The following TRIM24 variants were observed in gnomAD, a reference collection of about 807,000 sequenced individuals.
TRIM24 encodes the protein transcription intermediary factor 1-alpha.
In TRIM24, 29 loss-of-function variants were observed where a neutral mutation model predicts 123.9. The observed-to-expected ratio is 0.23, with a 90% CI of 0.17 to 0.32. TRIM24 has a LOEUF of 0.32. Ranked by LOEUF, TRIM24 falls within the 10% of genes least tolerant of loss-of-function variation. The probability of loss-of-function intolerance (pLI) is 1.00; values close to 1 mark genes in which losing one functional copy is unlikely to be tolerated. For missense variants in TRIM24, 932 were observed against 1,295.3 expected, an observed-to-expected ratio of 0.72 and a Z score of 4.31; for synonymous variants, 456 against 461.1, an observed-to-expected ratio of 0.99 and a Z score of 0.14.
chr7:138,578,549 TGTGTGTGTGTGTGTGC>T (rs1035820009), intron 14 of TRIM24, among the ~76,000 whole-genome samples: 1 of 136,232 alleles, frequency 7.3e-6, no homozygotes, highest in African/African-American at 2.7e-5. Context: ...TGTGTGTGTG[TGTGTGTGTGTGTGTGC>T]GCGCACGCAC....
chr7:138,530,189 C>G (rs1796700053), intron 6 of TRIM24, among the ~76,000 whole-genome samples: 1 of 151,350 alleles, frequency 6.6e-6, no homozygotes, highest in Admixed American at 6.6e-5. Flanking sequence ...ACAATCAGAC[C>G]CCATTTATAG....
chr7:138,548,090 A>G (rs1241462790), intron 7 of TRIM24, among the ~76,000 whole-genome samples: 1 of 152,176 alleles, frequency 6.6e-6, no homozygotes, highest in Non-Finnish European at 1.5e-5. Context: ...TAGGAAGAGT[A>G]CACCTGAGGA....
At chr7:138,525,633 C>T (rs1448240981) in intron 5 of TRIM24, among the ~76,000 whole-genome samples, 1 of 152,060 alleles carries the variant, frequency 6.6e-6, no homozygotes, top group Admixed American at 6.6e-5. Context: ...TAAAGAAATA[C>T]CAAAATTTAA....
At chr7:138,466,290 T>C (rs754370296) in intron 1 of TRIM24, among the ~76,000 whole-genome samples, 3 of 152,150 alleles carry the variant, frequency 2.0e-5, no homozygotes, top group Non-Finnish European at 2.9e-5. Context: ...CCACTGTGCC[T>C]GGCCTGTCAG....
chr7:138,491,790 T>C (rs1394291576), intron 1 of TRIM24, among the ~76,000 whole-genome samples: 2 of 152,172 alleles, frequency 1.3e-5, no homozygotes, highest in Non-Finnish European at 2.9e-5. Flanking sequence ...ACAAGAGTTA[T>C]AGCTTCTCCA....
chr7:138,580,527 C>T, intron 15 of TRIM24, 35 bp from the exon 16 acceptor site: 1 of 1,591,220 alleles, frequency 6.3e-7, no homozygotes, highest in Non-Finnish European at 8.6e-7. Flanking sequence ...GGAAATGATG[C>T]ATTAGGAATT....
At chr7:138,545,411 T>C (rs376518559) in intron 7 of TRIM24, 19 of 456,530 alleles carry the variant, frequency 4.2e-5, no homozygotes, top group African/African-American at 2.0e-4. Context: ...ATTGAGTAAA[T>C]AAGTAAATGG....
intron 1 of TRIM24, among the ~76,000 whole-genome samples, chr7:138,486,288 C>T (rs554862666): frequency 1.3e-5 from 2 of 152,220 alleles, no homozygotes; most frequent in Admixed American, 6.5e-5. Flanking sequence ...CTGTAGGTTG[C>T]CTGTTCACTC....
At chr7:138,539,894 C>T (rs908783802) in intron 7 of TRIM24, among the ~76,000 whole-genome samples, 3 of 151,464 alleles carry the variant, frequency 2.0e-5, no homozygotes, top group South Asian at 2.1e-4. Context: ...TCCACCTCGC[C>T]GGTTCACACC....
intron 1 of TRIM24, among the ~76,000 whole-genome samples, chr7:138,473,998 T>A (rs1584685665): frequency 2.6e-5 from 4 of 152,314 alleles, no homozygotes; most frequent in African/African-American, 9.6e-5. Context: ...CTTGGACTTC[T>A]GAGCTCAAGT....
At chr7:138,470,121 T>C (rs574614267) in intron 1 of TRIM24, among the ~76,000 whole-genome samples, 91 of 135,818 alleles carry the variant, frequency 6.7e-4, no homozygotes, top group African/African-American at 2.4e-3. Flanking sequence ...CCTACAAGTA[T>C]AATTTTTTTT....
chr7:138,578,274 A>AAAT lies in TRIM24; in HGVS notation c.2256+699_2256+701dup, dbSNP rs146278692. Among the ~76,000 whole-genome samples, 57 of 151,960 alleles carry AAAT rather than the reference A, an allele frequency of 3.8e-4. 1 individual carries two copies. The East Asian group carries it at 8.9e-3, about 24-fold the overall frequency. On this transcript the variant is annotated intron_variant, in intron 14 of 18. Transcript: ENST00000343526. Reference sequence around the variant, plus strand: ...TGTGGGTCTGCAGTGAACAATATTTAAATAATAATAATAATGATGTAAACA... The same window carrying AAAT: ...TGTGGGTCTGCAGTGAACAATATTTAAATAATAATAATAATAATGATGTAAACA...
intron 9 of TRIM24, among the ~76,000 whole-genome samples, chr7:138,558,169 G>A (rs538135548): frequency 9.9e-5 from 15 of 152,210 alleles, no homozygotes; most frequent in African/African-American, 3.1e-4. Flanking sequence ...CAGGCATTTG[G>A]AGTTTCAAGC....
chr7:138,556,959 G>A (rs1459433316), intron 9 of TRIM24, among the ~76,000 whole-genome samples: 1 of 152,210 alleles, frequency 6.6e-6, no homozygotes, highest in African/African-American at 2.4e-5. Flanking sequence ...GCTTACAGAG[G>A]CAGAACAAAG....
At chr7:138,550,880 C>T (rs1372019966) in intron 7 of TRIM24, among the ~76,000 whole-genome samples, 183 bp from the exon 8 acceptor site, 2 of 152,138 alleles carry the variant, frequency 1.3e-5, no homozygotes, top group African/African-American at 2.4e-5. Flanking sequence ...AATAGTGCAG[C>T]TGAGTTACGC....
At chr7:138,462,565 C>T (rs1795022761) in intron 1 of TRIM24, among the ~76,000 whole-genome samples, 1 of 151,778 alleles carries the variant, frequency 6.6e-6, no homozygotes, top group Non-Finnish European at 1.5e-5. Flanking sequence ...TGGTCTCGAT[C>T]TCCTGACCTC....
chr7:138,511,509 C>T (rs1165667192), intron 2 of TRIM24, among the ~76,000 whole-genome samples: 8 of 151,984 alleles, frequency 5.3e-5, no homozygotes, highest in East Asian at 3.9e-4. Flanking sequence ...AAGCTGGTCT[C>T]GAACTCCTGA....
At chr7:138,482,097 A>C (rs1225820720) in intron 1 of TRIM24, among the ~76,000 whole-genome samples, 1 of 152,018 alleles carries the variant, frequency 6.6e-6, no homozygotes, top group African/African-American at 2.4e-5. Context: ...ATTTGTTACT[A>C]CCTGCACCAG....
chr7:138,520,435 T>C (rs143422826), intron 4 of TRIM24, among the ~76,000 whole-genome samples: 5 of 152,352 alleles, frequency 3.3e-5, no homozygotes, highest in Admixed American at 2.0e-4. Flanking sequence ...CTCCAACTTA[T>C]TCAATAATGA....
Sources: allele counts gnomAD v4.1 joint callset (sites outside exome capture counted in the v4.1 genomes callset), GRCh38; gene constraint gnomAD v4.1.1; transcripts MANE v1.5; gene names NCBI Gene and HGNC (gene_info 2026-07-23, HGNC 2026-07-21).